Variants in PARD3 observed in about 807,000 individuals in gnomAD.
PARD3 encodes partitioning defective 3 homolog.
PARD3 carries 75 observed loss-of-function variants against 155.4 expected under a neutral mutation model. The ratio of observed to expected loss-of-function variants is 0.48; its 90% CI spans 0.40 to 0.58. The LOEUF is 0.58. PARD3 is among the 20% of genes least tolerant of loss of function. The probability of loss-of-function intolerance (pLI) is 0.00; values close to 1 mark genes in which losing one functional copy is unlikely to be tolerated. For missense variants in PARD3, 1,642 were observed against 1,721.7 expected, an observed-to-expected ratio of 0.95 and a Z score of 0.82; for synonymous variants, 576 against 610.5, an observed-to-expected ratio of 0.94 and a Z score of 0.83.
chr10:34,427,175 A>G (rs1226845303), intron 5 of PARD3, among the ~76,000 whole-genome samples: 3 of 152,232 alleles, frequency 2.0e-5, no homozygotes, highest in Non-Finnish European at 2.9e-5. Flanking sequence ...AGCGATTTTC[A>G]GGGAACAAGG....
intron 21 of PARD3, among the ~76,000 whole-genome samples, chr10:34,270,973 T>C (rs531259680): frequency 3.9e-5 from 6 of 152,314 alleles, no homozygotes; most frequent in South Asian, 2.1e-4. Context: ...AAGTCAATCT[T>C]AGTTACCTGG....
chr10:34,733,854 T>C lies in PARD3; in HGVS notation c.121-37435A>G, dbSNP rs563910386. On this transcript the variant is annotated intron_variant, in intron 1 of 24. Transcript: ENST00000374788. ...CTGGAAAGCAGACTCAAAATTAATATAAACCATCTTTCTCAAAACTCCTAA... is the reference window on the plus strand; with the variant it reads ...CTGGAAAGCAGACTCAAAATTAATACAAACCATCTTTCTCAAAACTCCTAA... Among the ~76,000 whole-genome samples the C allele has an allele frequency of 3.3e-5, 5 of 152,244 alleles. No individual in the cohort carries two copies. The South Asian group carries it at 1.0e-3, about 32-fold the overall frequency.
At chr10:34,169,743 T>A (rs554828261) in intron 22 of PARD3, among the ~76,000 whole-genome samples, 6 of 152,304 alleles carry the variant, frequency 3.9e-5, no homozygotes, top group South Asian at 2.1e-4. Flanking sequence ...AGATGGCACG[T>A]ATAGACTCAT....
intron 23 of PARD3, among the ~76,000 whole-genome samples, chr10:34,125,553 T>C (rs1947242484): frequency 1.3e-5 from 2 of 152,328 alleles, no homozygotes; most frequent in South Asian, 4.1e-4. Flanking sequence ...TTTTCTGAAA[T>C]TGCCCAGGCA....
intron 22 of PARD3, among the ~76,000 whole-genome samples, chr10:34,161,882 C>T (rs896830517): frequency 2.0e-5 from 3 of 152,160 alleles, no homozygotes; most frequent in African/African-American, 4.8e-5. Context: ...CACTGCTCGA[C>T]GCTTTCAGTT....
At chr10:34,157,709 T>C (rs551282773) in intron 22 of PARD3, among the ~76,000 whole-genome samples, 6 of 152,332 alleles carry the variant, frequency 3.9e-5, no homozygotes, top group East Asian at 3.9e-4. Context: ...CTGCTTCCTA[T>C]AGAGGGTTCC....
At chr10:34,127,284 A>G (rs1947340065) in intron 23 of PARD3, among the ~76,000 whole-genome samples, 1 of 152,198 alleles carries the variant, frequency 6.6e-6, no homozygotes, top group African/African-American at 2.4e-5. Flanking sequence ...AAATAAACTC[A>G]TCAATCTGAG....
intron 14 of PARD3, among the ~76,000 whole-genome samples, chr10:34,355,948 AAAAC>A (rs1300101653): frequency 7.8e-6 from 1 of 127,954 alleles, no homozygotes; most frequent in Non-Finnish European, 1.5e-5. Context: ...AAAAAAAAAC[AAAAC>A]AAAACCAAAC....
chr10:34,447,309 A>G (rs1022423133), intron 5 of PARD3, among the ~76,000 whole-genome samples: 4 of 151,680 alleles, frequency 2.6e-5, no homozygotes, highest in African/African-American at 9.7e-5. Flanking sequence ...GTGAAACCCC[A>G]TCTGTACTAA....
At chr10:34,421,307 A>C (rs1439567106) in intron 5 of PARD3, among the ~76,000 whole-genome samples, 1 of 150,574 alleles carries the variant, frequency 6.6e-6, no homozygotes, top group Admixed American at 6.6e-5. Flanking sequence ...AATTATTATA[A>C]CTAGTTATTT....
chr10:34,519,851 A>ATAACATAACATAACATAACG (rs2082024911), intron 2 of PARD3, among the ~76,000 whole-genome samples: 1 of 151,204 alleles, frequency 6.6e-6, no homozygotes, highest in Admixed American at 6.6e-5. Context: ...ATAACATAAC[A>ATAACATAACATAACATAACG]TAACATAACA....
At chr10:34,167,310 C>T (rs143615412) in intron 22 of PARD3, among the ~76,000 whole-genome samples, 86 of 152,262 alleles carry the variant, frequency 5.6e-4, no homozygotes, top group African/African-American at 1.8e-3. Flanking sequence ...CATCGTTGCA[C>T]GGGTCTGCCG....
At chr10:34,243,439 G>A (rs752802854) in intron 22 of PARD3, among the ~76,000 whole-genome samples, 20 of 152,136 alleles carry the variant, frequency 1.3e-4, no homozygotes, top group Non-Finnish European at 2.4e-4. Context: ...AATAAACTCC[G>A]AGATGTTGTC....
chr10:34,144,473 T>C (rs1467016635), intron 22 of PARD3, among the ~76,000 whole-genome samples: 2 of 152,218 alleles, frequency 1.3e-5, no homozygotes, highest in Non-Finnish European at 1.5e-5. Flanking sequence ...TTTCATTTAG[T>C]TATGATGAAA....
At chr10:34,439,003 G>C (rs946829471) in intron 5 of PARD3, among the ~76,000 whole-genome samples, 3 of 152,150 alleles carry the variant, frequency 2.0e-5, no homozygotes, top group African/African-American at 7.2e-5. Context: ...AGTTCTAGAA[G>C]AGAGAGAGAA....
At chr10:34,413,997 G>C in intron 5 of PARD3, among the ~76,000 whole-genome samples, 1 of 152,062 alleles carries the variant, frequency 6.6e-6, no homozygotes, top group East Asian at 1.9e-4. Flanking sequence ...CATCTAGCCC[G>C]GGCAACACAG....
At chr10:34,461,120 C>G (rs1398019473) in intron 4 of PARD3, among the ~76,000 whole-genome samples, 2 of 152,066 alleles carry the variant, frequency 1.3e-5, no homozygotes, top group Non-Finnish European at 2.9e-5. Context: ...ATAACAGGAG[C>G]AGGAATATAT....
chr10:34,152,714 C>A (rs1948834789), intron 22 of PARD3, among the ~76,000 whole-genome samples: 1 of 152,138 alleles, frequency 6.6e-6, no homozygotes, highest in South Asian at 2.1e-4. Flanking sequence ...ATTGATAGAA[C>A]TGGCATAGAA....
At chr10:34,397,996 T>C (rs924048875) in intron 7 of PARD3, among the ~76,000 whole-genome samples, 2 of 152,214 alleles carry the variant, frequency 1.3e-5, no homozygotes, top group South Asian at 4.1e-4. Context: ...TAACTATAAG[T>C]TATTTGAAGA....
Sources: allele counts gnomAD v4.1 joint callset (sites outside exome capture counted in the v4.1 genomes callset), GRCh38; gene constraint gnomAD v4.1.1; transcripts MANE v1.5; gene names NCBI Gene and HGNC (gene_info 2026-07-23, HGNC 2026-07-21).